Variants in CDC23 observed in about 807,000 individuals in gnomAD.
The protein encoded by CDC23 is cell division cycle 23.
In CDC23, 26 loss-of-function variants were observed where a neutral mutation model predicts 81.7. That is an observed-to-expected ratio of 0.32 (90% confidence interval 0.23 to 0.44). The LOEUF is 0.44. Among genes scored for constraint, CDC23 ranks in the 20% least tolerant of loss-of-function variants. The probability of loss-of-function intolerance (pLI) is 1.00; values close to 1 mark genes in which losing one functional copy is unlikely to be tolerated. For missense variants in CDC23, 519 were observed against 728.0 expected (o/e 0.71, Z 3.30); for synonymous variants, 267 against 270.8 (o/e 0.99, Z 0.14).
intron 6 of CDC23, among the ~76,000 whole-genome samples, chr5:138,199,248 A>G (rs912279843): frequency 6.6e-6 from 1 of 152,192 alleles, no homozygotes; most frequent in Non-Finnish European, 1.5e-5. Flanking sequence ...ACAATAGGGA[A>G]CCACTGCAAA....
At chr5:138,189,983 G>T in intron 13 of CDC23, 77 bp from the exon 14 acceptor site, 1 of 1,253,636 alleles carries the variant, frequency 8.0e-7, no homozygotes, top group Non-Finnish European at 1.2e-6. Context: ...AAGTACATAA[G>T]ACCAAAAAAA....
intron 6 of CDC23, among the ~76,000 whole-genome samples, chr5:138,200,305 T>C (rs558884410): frequency 1.3e-5 from 2 of 152,206 alleles, no homozygotes; most frequent in South Asian, 4.2e-4. Flanking sequence ...TTAATTTTTA[T>C]ATTTTCAGTA....
At chr5:138,190,871 CA>C (rs35904455) in intron 13 of CDC23, among the ~76,000 whole-genome samples, 85,149 of 142,654 alleles carry the variant, frequency 0.6, 24,753 homozygotes, top group Admixed American at 0.63. Context: ...CTATAAATTA[CA>C]AAAAAAAAAA....
At chr5:138,193,170 T>C (rs1754845061) in intron 9 of CDC23, among the ~76,000 whole-genome samples, 1 of 152,184 alleles carries the variant, frequency 6.6e-6, no homozygotes, top group African/African-American at 2.4e-5. Flanking sequence ...TCAAGCGATC[T>C]TCCTGCCTCA....
chr5:138,201,966 G>A (rs938040465), intron 4 of CDC23, 147 bp downstream of exon 4: 3 of 606,104 alleles, frequency 4.9e-6, no homozygotes, highest in African/African-American at 1.9e-5. Flanking sequence ...AGCTATAGCT[G>A]GGTACAAGGT....
chr5:138,213,128 T>C (rs1340493392), intron 1 of CDC23, 24 bp downstream of exon 1: 1 of 1,613,990 alleles, frequency 6.2e-7, no homozygotes, highest in East Asian at 2.2e-5. Context: ...CCAAGCCCCG[T>C]CCCTTCCCAC....
intron 15 of CDC23, 137 bp downstream of exon 15, chr5:138,189,496 C>T (rs1561632274): frequency 1.0e-5 from 8 of 796,366 alleles, no homozygotes; most frequent in South Asian, 9.2e-5. Flanking sequence ...TGGACACAAG[C>T]GATCCTCCTG....
chr5:138,197,843 T>G (rs569575676), intron 9 of CDC23, among the ~76,000 whole-genome samples: 6 of 152,342 alleles, frequency 3.9e-5, no homozygotes. Flanking sequence ...CCTGGAATCA[T>G]GTTCACCAAA....
At chr5:138,192,196 T>A in intron 11 of CDC23, 73 bp downstream of exon 11, 1 of 1,575,016 alleles carries the variant, frequency 6.3e-7, no homozygotes, top group Non-Finnish European at 8.7e-7. Context: ...GATTTGTCAA[T>A]AGCTATCAAA....
intron 15 of CDC23, 26 bp downstream of exon 15, chr5:138,189,607 C>G: frequency 6.3e-7 from 1 of 1,599,086 alleles, no homozygotes; most frequent in Non-Finnish European, 8.5e-7. Context: ...AAAATTCAAA[C>G]CTTTTATTAA....
At chr5:138,197,562 T>C (rs1208137283) in intron 9 of CDC23, among the ~76,000 whole-genome samples, 4 of 149,576 alleles carry the variant, frequency 2.7e-5, no homozygotes, top group African/African-American at 5.0e-5. Flanking sequence ...AGTGGCACGA[T>C]CTTGGCTCAC....
At position 138,188,883 on chromosome 5, in the gene CDC23, G is replaced by T; in HGVS notation, c.*95C>A. ...CTGTTGCCATCTGTAGAAACAAGAA[G>T]AGCTGAGGTCCTTGGAACAGACGTG... On this transcript the variant is annotated 3_prime_UTR_variant, in exon 16 of 16. Transcript: ENST00000394886. 1 of 1,229,192 alleles carries T rather than the reference G, an allele frequency of 8.1e-7. No homozygotes were observed. Among genetic ancestry groups the T allele is most frequent in the Non-Finnish European group, 1.1e-6 (1 of 890,582 alleles). 76.1% of individuals were successfully genotyped at this position (1,229,192 alleles called of 1,614,324 possible). A position where few individuals can be genotyped will look rare whatever the true frequency, so the allele number is the denominator to read the frequency against.
Position 138,188,925 on chromosome 5 carries a change from G to A in CDC23, c.*53C>T. On this transcript the variant is annotated 3_prime_UTR_variant, in exon 16 of 16. Coordinates refer to ENST00000394886, the MANE Select transcript of CDC23 (RefSeq NM_004661.4). ...ACAGACGTGCTGTTCTTTACATGGA[G>A]GTAAGGCTTAATTAAGATGGGTCTA... 2 of 1,562,052 alleles carry A rather than the reference G, an allele frequency of 1.3e-6. No individual in the cohort carries two copies. The highest frequency in any genetic ancestry group is 1.7e-6 in the Non-Finnish European group (2 of 1,145,250).
At position 138,188,772 on chromosome 5, in the gene CDC23, C is replaced by T; in HGVS notation, c.*206G>A. 2.3e-6 allele frequency: 1 copy of T among 443,088 alleles called. No homozygotes were observed. The highest frequency in any genetic ancestry group is 4.6e-5 in the South Asian group (1 of 21,604). 27.4% of individuals were successfully genotyped at this position (443,088 alleles called of 1,614,324 possible). The stretch of plus-strand genomic sequence containing the variant: ...TTTGGACATAAGTGAGACAGAAGTA[C>T]TTCTAACTGGCAAGATAATGTCTGT... On this transcript the variant is annotated 3_prime_UTR_variant, in exon 16 of 16. Coordinates refer to ENST00000394886, the MANE Select transcript of CDC23 (RefSeq NM_004661.4).
intron 3 of CDC23, among the ~76,000 whole-genome samples, chr5:138,203,844 C>T (rs1254997268): frequency 1.3e-5 from 2 of 151,862 alleles, no homozygotes; most frequent in African/African-American, 4.8e-5. Context: ...ACCTGGGAGG[C>T]GGAGGTTGCA....
chr5:138,209,946 T>C (rs1581491444), intron 2 of CDC23, among the ~76,000 whole-genome samples: 1 of 151,448 alleles, frequency 6.6e-6, no homozygotes, highest in East Asian at 2.0e-4. Flanking sequence ...CAGTGAATCA[T>C]GCATGTAATC....
At chr5:138,195,700 C>T (rs549198936) in intron 9 of CDC23, among the ~76,000 whole-genome samples, 42 of 94,732 alleles carry the variant, frequency 4.4e-4, no homozygotes, top group African/African-American at 7.3e-4. Flanking sequence ...AATATATATG[C>T]ATATATACAT....
At chr5:138,189,243 G>A (rs1005599571) in intron 15 of CDC23, 95 bp from the exon 16 acceptor site, 1 of 1,176,042 alleles carries the variant, frequency 8.5e-7, no homozygotes. Flanking sequence ...CACAGATCAA[G>A]GAGGCGGGAG....
In CDC23 at chr5:138,205,331, A is replaced by G. The variant is rs535872637; in HGVS notation, c.372+1216T>C. 2.0e-5 allele frequency among the ~76,000 whole-genome samples: 3 copies of G among 152,338 alleles called. No individual in the cohort carries two copies. The East Asian group carries it at 5.8e-4, about 29-fold the overall frequency. ...GGAGATAAGCAAACTGTGGTATATA[A>G]ATACAATGGAATATTATTAAACTTT... On this transcript the variant is annotated intron_variant, in intron 3 of 15. Coordinates refer to ENST00000394886, the MANE Select transcript of CDC23 (RefSeq NM_004661.4).
Sources: allele counts gnomAD v4.1 joint callset (sites outside exome capture counted in the v4.1 genomes callset), GRCh38; gene constraint gnomAD v4.1.1; transcripts MANE v1.5; gene names NCBI Gene and HGNC (gene_info 2026-07-23, HGNC 2026-07-21).